HHAT: variants seen among roughly 807,000 people sequenced by gnomAD.
The protein encoded by HHAT is hedgehog acyltransferase, also known as protein-cysteine N-palmitoyltransferase HHAT.
HHAT carries 47 observed loss-of-function variants against 70.8 expected under a neutral mutation model. The observed-to-expected ratio is 0.66, with a 90% CI of 0.53 to 0.85. HHAT has a LOEUF of 0.85. HHAT is among the 40% of genes least tolerant of loss of function. The pLI, the probability that HHAT is intolerant of heterozygous loss-of-function variation, is 0.00. For synonymous variants in HHAT, 228 were observed against 247.6 expected (o/e 0.92, Z 0.74); for missense variants, 609 against 604.8 (o/e 1.01, Z -0.07).
intron 9 of HHAT, among the ~76,000 whole-genome samples, chr1:210,551,086 G>T (rs749679080): frequency 2.0e-5 from 3 of 149,052 alleles, no homozygotes; most frequent in Non-Finnish European, 2.9e-5. Flanking sequence ...TCAGTAGTAA[G>T]TTAGCCCAGA....
chr1:210,405,653 T>C (rs964247038), intron 6 of HHAT, among the ~76,000 whole-genome samples: 20 of 152,206 alleles, frequency 1.3e-4, no homozygotes, highest in African/African-American at 4.8e-4. Context: ...TCTTATTTTG[T>C]CCTCAAAGTT....
At position 210,585,334 on chromosome 1, in the gene HHAT, GAGAT is replaced by G. The variant is rs373767852; in HGVS notation, c.1044-2561_1044-2558del. On this transcript the variant is annotated intron_variant, in intron 9 of 11. Coordinates refer to ENST00000261458, the MANE Select transcript of HHAT (RefSeq NM_018194.6). ...AGTGGAGGATGTTAAAGAAAAACCA[GAGAT>G]AGGTAGTAGTTGAAGCAGTAAAAAA... is the stretch of plus-strand genomic sequence containing the variant. Among the ~76,000 whole-genome samples, 701 of 152,286 alleles carry G rather than the reference GAGAT, an allele frequency of 4.6e-3. 10 individuals carry two copies. The highest frequency in any genetic ancestry group is 0.016 in the African/African-American group (650 of 41,566).
chr1:210,620,049 T>C lies in HHAT; in HGVS notation c.1246-3477T>C, dbSNP rs1015468362. Reference sequence around the variant, plus strand: ...GCCATGAGGATGGTGACTTAACACATGAGGCATGCCTCCCACTCGTGAGGC... The same window carrying C: ...GCCATGAGGATGGTGACTTAACACACGAGGCATGCCTCCCACTCGTGAGGC... On this transcript the variant is annotated intron_variant, in intron 10 of 11. Coordinates refer to ENST00000261458, the MANE Select transcript of HHAT (RefSeq NM_018194.6). Among the ~76,000 whole-genome samples the C allele has an allele frequency of 3.4e-5, 5 of 148,842 alleles. No homozygotes were observed. The East Asian group carries it at 9.6e-4, about 29-fold the overall frequency.
chr1:210,445,129 T>G (rs1201472963), intron 7 of HHAT, among the ~76,000 whole-genome samples: 1 of 152,198 alleles, frequency 6.6e-6, no homozygotes, highest in Non-Finnish European at 1.5e-5. Context: ...TGAGCTACTG[T>G]GCCCAACCAA....
chr1:210,467,350 T>C (rs537378535), intron 8 of HHAT, among the ~76,000 whole-genome samples: 1 of 150,890 alleles, frequency 6.6e-6, no homozygotes, highest in South Asian at 2.1e-4. Flanking sequence ...GCTCCTTTAC[T>C]AGTAGGAGGA....
rs1247555669 is a variant in HHAT at position 210,476,544 on chromosome 1, T to G, written c.1007+11889T>G. Among the ~76,000 whole-genome samples the G allele has an allele frequency of 2.0e-5, 3 of 152,354 alleles. No individual in the cohort carries two copies. The East Asian group carries it at 5.8e-4, about 29-fold the overall frequency. On this transcript the variant is annotated intron_variant, in intron 8 of 11. Transcript: ENST00000261458. Reference sequence around the variant, plus strand: ...AGTCTTCATTCCTCAGTCCAGCCTATGCAGCTCTCTTACAAACCTCCATGA... The same window carrying G: ...AGTCTTCATTCCTCAGTCCAGCCTAGGCAGCTCTCTTACAAACCTCCATGA...
At position 210,434,503 on chromosome 1, in the gene HHAT, T is replaced by C. The variant is rs140159577; in HGVS notation, c.856+16178T>C. Among the ~76,000 whole-genome samples the C allele has an allele frequency of 7.9e-3, 1,195 of 151,940 alleles. 43 individuals are homozygous for C. Among genetic ancestry groups the C allele is most frequent in the African/African-American group, 0.027 (1,127 of 41,204 alleles). Reference sequence around the variant, plus strand: ...TTAAGCAAGGAAATGTTATTAGATATAGTCCTCAAGGGGTATACCACAGAC... The same window carrying C: ...TTAAGCAAGGAAATGTTATTAGATACAGTCCTCAAGGGGTATACCACAGAC... On this transcript the variant is annotated intron_variant, in intron 7 of 11. Coordinates refer to ENST00000261458, the MANE Select transcript of HHAT (RefSeq NM_018194.6).
At chr1:210,664,073 A>C (rs746533582) in intron 11 of HHAT, among the ~76,000 whole-genome samples, 1 of 152,172 alleles carries the variant, frequency 6.6e-6, no homozygotes, top group African/African-American at 2.4e-5. Flanking sequence ...GCTTCTGTCC[A>C]TCTCCCCCAC....
At chr1:210,464,442 G>T (rs1214323991) in intron 7 of HHAT, 63 bp from the exon 8 acceptor site, 22 of 1,560,646 alleles carry the variant, frequency 1.4e-5, no homozygotes, top group Non-Finnish European at 1.9e-5. Flanking sequence ...TGGGGTGTTG[G>T]TCTCCTCCAG....
At chr1:210,658,898 A>C (rs1348555868) in intron 11 of HHAT, among the ~76,000 whole-genome samples, 5 of 152,254 alleles carry the variant, frequency 3.3e-5, no homozygotes, top group Non-Finnish European at 7.3e-5. Context: ...GTGAGAACAA[A>C]GACACAACGT....
At chr1:210,665,856 T>C (rs113860991) in intron 11 of HHAT, among the ~76,000 whole-genome samples, 3,874 of 152,306 alleles carry the variant, frequency 0.025, 160 homozygotes, top group African/African-American at 0.084. Flanking sequence ...TGACAAGTTA[T>C]TTACCTTTCT....
intron 8 of HHAT, among the ~76,000 whole-genome samples, chr1:210,478,720 T>C (rs146408237): frequency 6.6e-6 from 1 of 152,170 alleles, no homozygotes; most frequent in Non-Finnish European, 1.5e-5. Flanking sequence ...TTATGACAAG[T>C]AGGGACAGGA....
intron 9 of HHAT, among the ~76,000 whole-genome samples, chr1:210,560,738 A>C (rs1032124438): frequency 2.8e-5 from 4 of 143,984 alleles, no homozygotes; most frequent in African/African-American, 7.6e-5. Flanking sequence ...ACTTGAGATC[A>C]GGAGTTTGAG....
chr1:210,330,785 A>C (rs139904710), intron 1 of HHAT, among the ~76,000 whole-genome samples: 3 of 152,028 alleles, frequency 2.0e-5, no homozygotes, highest in Non-Finnish European at 2.9e-5. Context: ...GGGAAGGGGG[A>C]TGGTGTTGGG....
At position 210,623,562 on chromosome 1, in the gene HHAT, C is replaced by T. The variant is rs1267872556; in HGVS notation, c.1282C>T (p.His428Tyr). 5.0e-6 allele frequency: 8 copies of T among 1,614,102 alleles called. No homozygotes were observed. The East Asian group carries it at 1.3e-4, about 27-fold the overall frequency. Residue 428 changes from histidine to tyrosine, a missense_variant, in exon 11 of 12, where the codon CAC (histidine) becomes TAC (tyrosine). By Grantham distance (83) the His-to-Tyr change is moderately conservative. Transcript: ENST00000261458. ...CTCCCCACAAGCTCGCCGTCGATTCCACGCTGCCCTTGCTTCTTGTTCCAC... is the reference window on the plus strand; with the variant it reads ...CTCCCCACAAGCTCGCCGTCGATTCTACGCTGCCCTTGCTTCTTGTTCCAC... The part of the protein sequence containing the change: ...YFSPQARRRF[H>Y]AALASCSTSM...
intron 10 of HHAT, among the ~76,000 whole-genome samples, chr1:210,610,341 C>T (rs985071021): frequency 2.0e-5 from 3 of 151,322 alleles, no homozygotes; most frequent in Non-Finnish European, 4.4e-5. Flanking sequence ...CTTTCATGTC[C>T]TTTCCCTACT....
chr1:210,465,309 G>A (rs2094076634), intron 8 of HHAT, among the ~76,000 whole-genome samples: 1 of 152,052 alleles, frequency 6.6e-6, no homozygotes, highest in Non-Finnish European at 1.5e-5. Context: ...TGGTTGGTGT[G>A]GAGTCTCTTT....
chr1:210,458,760 G>A (rs1444864802), intron 7 of HHAT, among the ~76,000 whole-genome samples: 9 of 152,186 alleles, frequency 5.9e-5, no homozygotes, highest in African/African-American at 1.4e-4. Context: ...ACCTTTCAGC[G>A]TGAGATTTTT....
chr1:210,620,189 C>T (rs1350496965), intron 10 of HHAT, among the ~76,000 whole-genome samples: 2 of 152,116 alleles, frequency 1.3e-5, no homozygotes, highest in Non-Finnish European at 2.9e-5. Context: ...CTAGAGATTC[C>T]GAAAGTTAGA....
Sources: allele counts gnomAD v4.1 joint callset (sites outside exome capture counted in the v4.1 genomes callset), GRCh38; gene constraint gnomAD v4.1.1; transcripts MANE v1.5; gene names NCBI Gene and HGNC (gene_info 2026-07-23, HGNC 2026-07-21).